Variants in SYNPO2 observed in about 807,000 individuals in gnomAD.
The protein encoded by SYNPO2 is synaptopodin-2.
In SYNPO2, 56 loss-of-function variants were observed where a neutral mutation model predicts 85.0. The ratio of observed to expected loss-of-function variants is 0.66; its 90% CI spans 0.53 to 0.82. The LOEUF is 0.82. Among genes scored for constraint, SYNPO2 ranks in the 40% least tolerant of loss-of-function variants. The pLI is 0.00. For synonymous variants in SYNPO2, 602 were observed against 591.1 expected (o/e 1.02, Z -0.27); for missense variants, 1,575 against 1,534.2 (o/e 1.03, Z -0.44).
intron 1 of SYNPO2, among the ~76,000 whole-genome samples, chr4:118,892,085 A>C (rs774317146): frequency 2.2e-4 from 33 of 152,168 alleles, no homozygotes; most frequent in Non-Finnish European, 4.4e-4. Flanking sequence ...AAATATCCTT[A>C]TATTGACATA....
chr4:118,939,558 C>A (rs749391667), intron 1 of SYNPO2, among the ~76,000 whole-genome samples: 1 of 152,152 alleles, frequency 6.6e-6, no homozygotes, highest in Non-Finnish European at 1.5e-5. Flanking sequence ...CAAGAGATTC[C>A]GTTTTGTAAT....
intron 1 of SYNPO2, among the ~76,000 whole-genome samples, chr4:119,011,920 CT>C (rs548974684): frequency 0.033 from 3,641 of 109,516 alleles, 77 homozygotes; most frequent in African/African-American, 0.1. Context: ...TTTCTATAGA[CT>C]TTTTTTTTTT....
rs150277012 is a variant in SYNPO2, at chr4:118,997,579, T to C, written c.106-25851T>C. ...TAGGAACCAAATTTATTAGTAAAGC[T>C]AGATTTGTGAGTGTGAAATCAGAAC... On this transcript the variant is annotated intron_variant, in intron 1 of 4. Transcript: ENST00000307142. Among the ~76,000 whole-genome samples, 881 of 152,344 alleles carry C rather than the reference T, an allele frequency of 5.8e-3. 5 individuals carry two copies. Among genetic ancestry groups the C allele is most frequent in the Middle Eastern group, 0.017 (5 of 294 alleles).
intron 1 of SYNPO2, among the ~76,000 whole-genome samples, chr4:118,900,699 C>CTATA (rs1339820717): frequency 3.8e-3 from 112 of 29,384 alleles, no homozygotes; most frequent in East Asian, 8.8e-3. Context: ...CTCTCTCTCT[C>CTATA]TCTCTATATA....
intron 1 of SYNPO2, among the ~76,000 whole-genome samples, chr4:118,857,794 A>G (rs1469356112): frequency 6.6e-6 from 1 of 152,232 alleles, no homozygotes; most frequent in Non-Finnish European, 1.5e-5. Context: ...AGCTTTGACC[A>G]TTTAGATACA....
chr4:118,970,098 A>T (rs1735480878), intron 1 of SYNPO2, among the ~76,000 whole-genome samples: 1 of 152,192 alleles, frequency 6.6e-6, no homozygotes, highest in Admixed American at 6.5e-5. Flanking sequence ...CCTTCTTGGA[A>T]ATGTACTTGT....
At chr4:118,860,042 G>A (rs533702292) in intron 1 of SYNPO2, among the ~76,000 whole-genome samples, 2 of 152,256 alleles carry the variant, frequency 1.3e-5, no homozygotes, top group African/African-American at 4.8e-5. Flanking sequence ...AACAGTGTAC[G>A]AGGGTTTCCT....
In SYNPO2 at chr4:119,031,499, G is replaced by A. The variant is rs371192844; in HGVS notation, c.2724G>A (p.Pro908=). 9.3e-6 allele frequency: 15 copies of A among 1,613,886 alleles called. No homozygotes were observed. In the African/African-American group the frequency reaches 1.9e-4, roughly 20 times the overall value. The change falls in exon 4 of 5, where the codon CCG becomes CCA. Residue 908 remains proline (P), a synonymous_variant. Coordinates refer to ENST00000307142, the MANE Select transcript of SYNPO2 (RefSeq NM_133477.3). ...CTCAGTCTCCCACTCCATCTCTCCCGGCCAGTTGGAAGTACTCCTCCAATG... is the reference window on the plus strand; with the variant it reads ...CTCAGTCTCCCACTCCATCTCTCCCAGCCAGTTGGAAGTACTCCTCCAATG... ...ARAQSPTPSL[P]ASWKYSSNVR...
At chr4:118,937,340 C>T (rs531654110) in intron 1 of SYNPO2, among the ~76,000 whole-genome samples, 113 of 152,252 alleles carry the variant, frequency 7.4e-4, no homozygotes, top group African/African-American at 2.7e-3. Flanking sequence ...CTCTCCCCTG[C>T]TTGAAACACT....
chr4:119,057,922 A>G lies in SYNPO2; in HGVS notation c.3774A>G (p.Arg1258=). ...YNYNPHPRGW[R]RQT is the part of the protein sequence containing the mutation. ...ACAACCCACACCCAAGGGGATGGAG[A>G]CGCCAAACATGAAAGTTAGAAGAAC... The change falls in exon 5 of 5, where the codon AGA becomes AGG. Residue 1258 remains arginine (R), a synonymous_variant. Coordinates refer to ENST00000307142, the MANE Select transcript of SYNPO2 (RefSeq NM_133477.3). 1 of 1,609,690 alleles carries G rather than the reference A, an allele frequency of 6.2e-7. No individual in the cohort carries two copies. Among genetic ancestry groups the G allele is most frequent in the Non-Finnish European group, 8.5e-7 (1 of 1,178,000 alleles).
chr4:118,881,737 T>G (rs1732106691), intron 1 of SYNPO2, among the ~76,000 whole-genome samples: 1 of 152,072 alleles, frequency 6.6e-6, no homozygotes, highest in African/African-American at 2.4e-5. Flanking sequence ...CATAGGGAAG[T>G]TGTTTTGGGT....
intron 4 of SYNPO2, 135 bp downstream of exon 4, chr4:119,032,162 A>T: frequency 3.4e-6 from 5 of 1,479,608 alleles, no homozygotes; most frequent in Non-Finnish European, 3.6e-6. Flanking sequence ...ACTTAATTTC[A>T]GATATGTCAC....
chr4:118,998,501 A>G (rs1039876923), intron 1 of SYNPO2, among the ~76,000 whole-genome samples: 1 of 152,238 alleles, frequency 6.6e-6, no homozygotes, highest in African/African-American at 2.4e-5. Context: ...AGTAAACCAG[A>G]GTTAAAACAG....
intron 1 of SYNPO2, among the ~76,000 whole-genome samples, chr4:118,926,411 A>T (rs565950786): frequency 6.9e-4 from 105 of 152,268 alleles, no homozygotes; most frequent in Non-Finnish European, 1.3e-3. Flanking sequence ...TGACAGCTGG[A>T]GTGGGCTGAG....
At chr4:118,953,291 A>C (rs1371343676) in intron 1 of SYNPO2, among the ~76,000 whole-genome samples, 4 of 152,130 alleles carry the variant, frequency 2.6e-5, no homozygotes, top group African/African-American at 9.7e-5. Flanking sequence ...TGAGCACACC[A>C]TTGTTTTCAT....
chr4:118,921,192 C>T (rs1733520194), intron 1 of SYNPO2, among the ~76,000 whole-genome samples: 2 of 152,138 alleles, frequency 1.3e-5, no homozygotes, highest in Admixed American at 6.5e-5. Context: ...CAGGTGTGAG[C>T]CACCACACCT....
rs1027008225 is a variant in SYNPO2 at position 119,038,013 on chromosome 4, G to A, written c.3252+5986G>A. 1.1e-5 allele frequency: 4 copies of A among 348,336 alleles called. No homozygotes were observed. In the Admixed American group the frequency reaches 1.9e-4, roughly 17 times the overall value. The allele number at this position is 348,336 out of a possible 1,614,324, so 21.6% of individuals were successfully genotyped here. On this transcript the variant is annotated intron_variant, in intron 4 of 4. Coordinates refer to ENST00000307142, the MANE Select transcript of SYNPO2 (RefSeq NM_133477.3). ...GTATTATTCCCATTTTACAGATGAG[G>A]TATCTAAGCTCAGAGAAGCTAAACA...
chr4:118,876,713 C>CTT (rs1731930340), intron 1 of SYNPO2, among the ~76,000 whole-genome samples: 1 of 117,738 alleles, frequency 8.5e-6, no homozygotes, highest in Non-Finnish European at 1.8e-5. Context: ...TTCTTTCTTT[C>CTT]TTTCTTTCTT....
At chr4:118,982,177 C>G in intron 1 of SYNPO2, among the ~76,000 whole-genome samples, 1 of 151,376 alleles carries the variant, frequency 6.6e-6, no homozygotes, top group Non-Finnish European at 1.5e-5. Flanking sequence ...TTTTTTTTTA[C>G]ATAACAGAAT....
Sources: gnomAD v4.1 joint callset for allele counts (sites outside exome capture counted in the v4.1 genomes callset) on GRCh38, gnomAD v4.1.1 for gene constraint, MANE v1.5 for transcripts, NCBI Gene and HGNC (gene_info 2026-07-23, HGNC 2026-07-21) for gene names.